Variants in PRSS50 observed in about 807,000 individuals in gnomAD.
PRSS50 encodes probable threonine protease PRSS50.
Under a neutral mutation model 34.2 loss-of-function variants are expected in PRSS50, and 23 were observed. The ratio of observed to expected loss-of-function variants is 0.67; its 90% confidence interval spans 0.48 to 0.95. PRSS50 has a LOEUF of 0.95. PRSS50 is among the 40% of genes least tolerant of loss of function. PRSS50 has a pLI of 0.00. For synonymous variants in PRSS50, 224 were observed against 211.2 expected (o/e 1.06, Z -0.53); for missense variants, 484 against 513.4 (o/e 0.94, Z 0.55).
At position 46,715,571 on chromosome 3, in the gene PRSS50, G is replaced by T. The variant is rs1198436616; in HGVS notation, c.434C>A (p.Ser145Tyr). ...THICAGTIIA[S>Y]QWVLTVAHCL... ...GTGGGCCACAGTCAGCACCCACTGG[G>T]AGGCAATGATGGTGCCGGCACAGAT... The change falls in exon 3 of 6, where the codon TCC becomes TAC. Residue 145 changes from serine to tyrosine, a missense_variant. By Grantham distance (144) the Ser-to-Tyr change is moderately radical. Transcript: ENST00000315170. This position sits in a 1 kb window ranked among gnomAD's most constrained non-coding sequence, Gnocchi z 5.2. 6.2e-7 allele frequency: 1 copy of T among 1,613,824 alleles called. No homozygotes were observed. Among genetic ancestry groups the T allele is most frequent in the South Asian group, 1.1e-5 (1 of 91,076 alleles).
chr3:46,712,151 T>A lies in PRSS50; in HGVS notation c.*95A>T. 9.0e-7 allele frequency: 1 copy of A among 1,114,342 alleles called. No individual in the cohort carries two copies. The highest frequency in any genetic ancestry group is 1.3e-6 in the Non-Finnish European group (1 of 776,110). 69.0% of individuals were successfully genotyped at this position (1,114,342 alleles called of 1,614,324 possible). A position where few individuals can be genotyped will look rare whatever the true frequency, so the allele number is the denominator to read the frequency against. ...CAGTAATGTTTAATTGAGCACCTCATCTCCACCCTGACTCTCAGGGCTGTG... is the reference window on the plus strand; with the variant it reads ...CAGTAATGTTTAATTGAGCACCTCAACTCCACCCTGACTCTCAGGGCTGTG... On this transcript the variant is annotated 3_prime_UTR_variant, in exon 6 of 6. Coordinates refer to ENST00000315170, the MANE Select transcript of PRSS50 (RefSeq NM_013270.5).
In PRSS50 at chr3:46,715,118, G is replaced by A. The variant is rs1419072855; in HGVS notation, c.470+417C>T. Among the ~76,000 whole-genome samples the A allele has an allele frequency of 6.6e-6, 1 of 152,236 alleles. No individual in the cohort carries two copies. Among genetic ancestry groups the A allele is most frequent in the Non-Finnish European group, 1.5e-5 (1 of 68,040 alleles). On this transcript the variant is annotated intron_variant, in intron 3 of 5. Transcript: ENST00000315170. The surrounding 1 kb of genome is among the most constrained non-coding windows in gnomAD (Gnocchi z 5.2). ...TCTCCCCCAACAAGCTGGAAGGAAT[G>A]ATCCATCCCTCCTCTGCCCCCAGTG... is the stretch of plus-strand genomic sequence containing the variant.
At position 46,715,653 on chromosome 3, in the gene PRSS50, C is replaced by T. The variant is rs767703397; in HGVS notation, c.352G>A (p.Glu118Lys). 1.9e-5 allele frequency: 30 copies of T among 1,611,476 alleles called. 1 individual carries two copies. The African/African-American group carries it at 1.9e-4, about 10-fold the overall frequency. The change falls in exon 3 of 6, where the codon GAA becomes AAA. Residue 118 changes from glutamate to lysine, a missense_variant. Physicochemically the swap from Glu to Lys is moderately conservative, Grantham distance 56 (BLOSUM62 1). Transcript: ENST00000315170. This position sits in a 1 kb window ranked among gnomAD's most constrained non-coding sequence, Gnocchi z 5.2. Reference protein sequence around the residue: ...YEQDPTLRDPEAVARRWPWMV... With the variant: ...YEQDPTLRDPKAVARRWPWMV... ...CAGGGCCACCGCCGAGCCACGGCTT[C>T]TGGGTCCCTGAGGGTGGGGTCCTGC...
chr3:46,713,636 G>A (rs1431162549), intron 4 of PRSS50, among the ~76,000 whole-genome samples: 1 of 152,248 alleles, frequency 6.6e-6, no homozygotes, highest in African/African-American at 2.4e-5. Flanking sequence ...CCACAGGGAA[G>A]GGCATCTCTC....
Position 46,712,762 on chromosome 3 carries a change from C to G in PRSS50, c.921+139G>C. On this transcript the variant is annotated intron_variant, in intron 5 of 5. Coordinates refer to ENST00000315170, the MANE Select transcript of PRSS50 (RefSeq NM_013270.5). The stretch of plus-strand genomic sequence containing the variant: ...TCTGTTTCCTCCCAGTCTCCCCCGA[C>G]ATCCTCCATCCCCATATCCCAGAGT... The G allele has an allele frequency of 3.0e-6, 3 of 999,796 alleles. No homozygotes were observed. In the South Asian group the frequency reaches 4.9e-5, roughly 16 times the overall value. 61.9% of individuals were successfully genotyped at this position (999,796 alleles called of 1,614,324 possible). A position where few individuals can be genotyped will look rare whatever the true frequency, so the allele number is the denominator to read the frequency against.
At position 46,715,685 on chromosome 3, in the gene PRSS50, GA is replaced by G; in HGVS notation, c.319del (p.Ser107ProfsTer43). The G allele has an allele frequency of 6.2e-7, 1 of 1,602,830 alleles. No homozygotes were observed. Among genetic ancestry groups the G allele is most frequent in the Non-Finnish European group, 8.5e-7 (1 of 1,174,226 alleles). On this transcript the variant is annotated frameshift_variant, in exon 3 of 6. Coordinates refer to ENST00000315170, the MANE Select transcript of PRSS50 (RefSeq NM_013270.5). LOFTEE classifies it high-confidence loss of function. The surrounding 1 kb of genome is among the most constrained non-coding windows in gnomAD (Gnocchi z 5.2). ...CCTGAGGGTGGGGTCCTGCTCGTAG[GA>G]AAAGCCACAGGCTGAGGAGGAAGGT... ...KVDPYRSCGFSYEQDPTLRDP... is the reference protein window; with the variant it reads ...KVDPYRSCGFXYEQDPTLRDP...
Position 46,714,463 on chromosome 3 carries a change from C to T in PRSS50, c.509G>A (p.Trp170Ter). Residue 170 changes from tryptophan (W) to a stop codon, truncating the protein, a stop_gained, in exon 4 of 6, where the codon TGG becomes TAG. Transcript: ENST00000315170. LOFTEE classifies it high-confidence loss of function. ...GGCGGTCTGCGTCATCTGGTCAATC[C>T]ACGGACTCCCCACCCTCACTGAGTA... is the stretch of plus-strand genomic sequence containing the variant. ...VIYSVRVGSPWIDQMTQTASD... is the reference protein window; with the variant it reads ...VIYSVRVGSP The T allele has an allele frequency of 6.2e-7, 1 of 1,606,424 alleles. No individual in the cohort carries two copies. The highest frequency in any genetic ancestry group is 8.5e-7 in the Non-Finnish European group (1 of 1,177,222).
In PRSS50 at chr3:46,717,667, G is replaced by C; in HGVS notation, c.107-30C>G. The C allele has an allele frequency of 6.2e-7, 1 of 1,606,664 alleles. No individual in the cohort carries two copies. Among genetic ancestry groups the C allele is most frequent in the Non-Finnish European group, 8.5e-7 (1 of 1,176,696 alleles). Reference sequence around the variant, plus strand: ...GGAGGACGTCGAGCGGATTAGAGGTGGAAGGCGAGGGCCGCGTCAGGCGGG... The same window carrying C: ...GGAGGACGTCGAGCGGATTAGAGGTCGAAGGCGAGGGCCGCGTCAGGCGGG... On this transcript the variant is annotated intron_variant, in intron 1 of 5. Transcript: ENST00000315170. The surrounding 1 kb of genome is among the most constrained non-coding windows in gnomAD (Gnocchi z 4.5).
Position 46,714,424 on chromosome 3 carries a change from A to G in PRSS50, c.548T>C (p.Val183Ala). The G allele has an allele frequency of 6.2e-7, 1 of 1,612,578 alleles. No homozygotes were observed. Among genetic ancestry groups the G allele is most frequent in the Non-Finnish European group, 8.5e-7 (1 of 1,179,438 alleles). ...CCTGCTATGCATGATGACCTGGAGC[A>G]CCGGGACATCGGAGGCGGTCTGCGT... ...QMTQTASDVP[V>A]LQVIMHSRYR... Residue 183 changes from valine to alanine, a missense_variant, in exon 4 of 6, where the codon GTG becomes GCG. Val to Ala is a moderately conservative substitution (Grantham distance 64). Coordinates refer to ENST00000315170, the MANE Select transcript of PRSS50 (RefSeq NM_013270.5).
In PRSS50 at chr3:46,717,759, G is replaced by T; in HGVS notation, c.66C>A (p.Ala22=). The T allele has an allele frequency of 6.3e-7, 1 of 1,586,588 alleles. No individual in the cohort carries two copies. Among genetic ancestry groups the T allele is most frequent in the Non-Finnish European group, 8.6e-7 (1 of 1,167,662 alleles). Residue 22 remains alanine, a synonymous_variant, in exon 1 of 6, where the codon GCC becomes GCA. Transcript: ENST00000315170. This position sits in a 1 kb window ranked among gnomAD's most constrained non-coding sequence, Gnocchi z 4.5. The part of the protein sequence containing the change: ...QRPRTSAPSR[A]GALLLLLLLL... ...ACAGAAGCAGCAGCAGCAGGGCACC[G>T]GCGCGGGAGGGGGCAGACGTCCGGG...
rs763259388 is a variant in PRSS50 at position 46,717,569 on chromosome 3, A to T, written c.175T>A (p.Cys59Ser). Residue 59 changes from cysteine (C) to serine (S), a missense_variant, in exon 2 of 6, where the codon TGT (cysteine) becomes AGT (serine). Coordinates refer to ENST00000315170, the MANE Select transcript of PRSS50 (RefSeq NM_013270.5). The surrounding 1 kb of genome is among the most constrained non-coding windows in gnomAD (Gnocchi z 4.5). ...TADPADQSVQ[C>S]VPKATCPSSR... The stretch of plus-strand genomic sequence containing the variant: ...GAAGGACAGGTGGCCTTGGGGACAC[A>T]CTGGACGCTCTGGTCGGCGGGATCA... 6.2e-7 allele frequency: 1 copy of T among 1,613,736 alleles called. No homozygotes were observed. Among genetic ancestry groups the T allele is most frequent in the Admixed American group, 1.7e-5 (1 of 60,030 alleles).
Position 46,717,502 on chromosome 3 carries a change from G to A in PRSS50, c.242C>T (p.Thr81Ile), listed in dbSNP as rs748114852. ...RLLWQTPTTQ[T>I]LPSTTMETQF... The stretch of plus-strand genomic sequence containing the variant: ...GGTCTCCATGGTGGTCGAGGGCAGT[G>A]TCTGGGTGGTCGGGGTCTGCCAGAG... The change falls in exon 2 of 6, where the codon ACA becomes ATA. Residue 81 changes from threonine (T) to isoleucine (I), a missense_variant. Physicochemically the swap from Thr to Ile is moderately conservative, Grantham distance 89 (BLOSUM62 -1). Transcript: ENST00000315170. This position sits in a 1 kb window ranked among gnomAD's most constrained non-coding sequence, Gnocchi z 4.5. 1 of 1,613,912 alleles carries A rather than the reference G, an allele frequency of 6.2e-7. No homozygotes were observed. The highest frequency in any genetic ancestry group is 8.5e-7 in the Non-Finnish European group (1 of 1,180,020).
In PRSS50 at chr3:46,712,251, G is replaced by T; in HGVS notation, c.1153C>A (p.Leu385Ile). Residue 385 changes from leucine (L) to isoleucine (I), a missense_variant, in exon 6 of 6, where the codon CTC becomes ATC. Leu to Ile is a conservative substitution (Grantham distance 5). Coordinates refer to ENST00000315170, the MANE Select transcript of PRSS50 (RefSeq NM_013270.5). ...GTGAGGGAGGGCACACAGAGTCAGA[G>T]GGCAGCAAGGAGGCTGAGGGGCAGT... ...LPLPLSLLAAL is the reference protein window; with the variant it reads ...LPLPLSLLAAI The T allele has an allele frequency of 6.2e-7, 1 of 1,606,710 alleles. No individual in the cohort carries two copies. Among genetic ancestry groups the T allele is most frequent in the Non-Finnish European group, 8.5e-7 (1 of 1,176,692 alleles).
chr3:46,717,259 C>T lies in PRSS50; in HGVS notation c.307+178G>A, dbSNP rs919742600. ...GGACAAGACACCCAGAGCTCTGGGC[C>T]TCCAGACAGGACCAGGCCTGACCCA... is the stretch of plus-strand genomic sequence containing the variant. On this transcript the variant is annotated intron_variant, in intron 2 of 5. Transcript: ENST00000315170. This position sits in a 1 kb window ranked among gnomAD's most constrained non-coding sequence, Gnocchi z 4.5. Among the ~76,000 whole-genome samples, 2 of 152,158 alleles carry T rather than the reference C, an allele frequency of 1.3e-5. No individual in the cohort carries two copies. Among genetic ancestry groups the T allele is most frequent in the Admixed American group, 1.3e-4 (2 of 15,280 alleles).
chr3:46,713,155 G>C, intron 4 of PRSS50, 88 bp from the exon 5 acceptor site: 1 of 1,486,556 alleles, frequency 6.7e-7, no homozygotes, highest in East Asian at 2.3e-5. Context: ...TGTTCCCCAC[G>C]TCCCACCTTT....
At chr3:46,713,641 T>C (rs780500674) in intron 4 of PRSS50, among the ~76,000 whole-genome samples, 1 of 152,214 alleles carries the variant, frequency 6.6e-6, no homozygotes, top group African/African-American at 2.4e-5. Flanking sequence ...GGGAAGGGCA[T>C]CTCTCTTATG....
intron 4 of PRSS50, among the ~76,000 whole-genome samples, 177 bp downstream of exon 4, chr3:46,714,041 C>A (rs566617845): frequency 6.6e-6 from 1 of 152,310 alleles, no homozygotes; most frequent in East Asian, 1.9e-4. Flanking sequence ...GAGGTGTTCC[C>A]CACGAGATCC....
chr3:46,714,309 G>C lies in PRSS50; in HGVS notation c.663C>G (p.Tyr221Ter). Residue 221 changes from tyrosine (Y) to a stop codon, truncating the protein, a stop_gained, in exon 4 of 6, where the codon TAC (tyrosine) becomes TAG (stop). Coordinates refer to ENST00000315170, the MANE Select transcript of PRSS50 (RefSeq NM_013270.5). LOFTEE classifies it high-confidence loss of function. ...TGCCAGGCAGGCAGATGGGCCGCAC[G>C]TAATTGCTGTACTTGAGTTCCTGCT... ...KLKQELKYSN[Y>*]VRPICLPGTD... 1.2e-6 allele frequency: 2 copies of C among 1,614,136 alleles called. No individual in the cohort carries two copies. The highest frequency in any genetic ancestry group is 1.7e-6 in the Non-Finnish European group (2 of 1,180,028).
Position 46,713,920 on chromosome 3 carries a change from C to T in PRSS50, c.754+298G>A, listed in dbSNP as rs1014690953. ...CCGATGCCTGGGCAGTGGGTGTGGA[C>T]TGTGAGGTATTACTCTGTGCCTCTC... On this transcript the variant is annotated intron_variant, in intron 4 of 5. Transcript: ENST00000315170. Among the ~76,000 whole-genome samples, 4 of 152,346 alleles carry T rather than the reference C, an allele frequency of 2.6e-5. No homozygotes were observed. The East Asian group carries it at 5.8e-4, about 22-fold the overall frequency.
Sources: gnomAD v4.1 joint callset for allele counts (sites outside exome capture counted in the v4.1 genomes callset) on GRCh38, gnomAD v4.1.1 for gene constraint, Gnocchi (gnomAD v3.1) non-coding constraint, MANE v1.5 for transcripts, NCBI Gene and HGNC (gene_info 2026-07-23, HGNC 2026-07-21) for gene names.